ASAP1: variants seen among roughly 807,000 people sequenced by gnomAD.
The protein encoded by ASAP1 is arf-GAP with SH3 domain, ANK repeat and PH domain-containing protein 1.
In ASAP1, 43 loss-of-function variants were observed where a neutral mutation model predicts 145.2. The observed-to-expected ratio is 0.30, with a 90% CI of 0.23 to 0.38. ASAP1 has a LOEUF of 0.38. Among genes scored for constraint, ASAP1 ranks in the 10% least tolerant of loss-of-function variants. The pLI is 1.00. For synonymous variants in ASAP1, 546 were observed against 515.5 expected, an observed-to-expected ratio of 1.06 and a Z score of -0.80; for missense variants, 1,018 against 1,355.3, an observed-to-expected ratio of 0.75 and a Z score of 3.91.
intron 4 of ASAP1, among the ~76,000 whole-genome samples, chr8:130,215,984 G>A (rs1488937216): frequency 2.2e-5 from 1 of 45,788 alleles, no homozygotes; most frequent in Non-Finnish European, 4.5e-5. Flanking sequence ...AAAAAGGAAA[G>A]GAAAGGAAAG....
At chr8:130,262,541 T>C (rs926498601) in intron 3 of ASAP1, among the ~76,000 whole-genome samples, 8 of 151,032 alleles carry the variant, frequency 5.3e-5, no homozygotes, top group African/African-American at 1.9e-4. Context: ...AAAATAATTA[T>C]CAAGTATGAA....
chr8:130,119,176 T>G (rs1420835983), intron 18 of ASAP1, among the ~76,000 whole-genome samples: 2 of 152,128 alleles, frequency 1.3e-5, no homozygotes, highest in Non-Finnish European at 2.9e-5. Flanking sequence ...ACTCCTGAGC[T>G]CAAGCAATTC....
intron 1 of ASAP1, among the ~76,000 whole-genome samples, chr8:130,440,282 C>T (rs1392312347): frequency 6.6e-6 from 1 of 152,068 alleles, no homozygotes; most frequent in Non-Finnish European, 1.5e-5. Flanking sequence ...TGGCCATGGT[C>T]GCTCACCTGA....
intron 24 of ASAP1, among the ~76,000 whole-genome samples, chr8:130,105,033 T>C (rs562071176): frequency 6.6e-6 from 1 of 152,308 alleles, no homozygotes; most frequent in South Asian, 2.1e-4. Flanking sequence ...CACTTTCTAA[T>C]AGTTTTCTTT....
rs1348416126 is a variant in ASAP1, at chr8:130,159,792, C to T, written c.1010+72G>A. ...GTATTATAAAATTTTAAGTGTGTTTCCCTATATGAGAGACTGGAAACATTT... is the reference window on the plus strand; with the variant it reads ...GTATTATAAAATTTTAAGTGTGTTTTCCTATATGAGAGACTGGAAACATTT... On this transcript the variant is annotated intron_variant, in intron 12 of 29. Transcript: ENST00000518721. 9 of 1,217,612 alleles carry T rather than the reference C, an allele frequency of 7.4e-6. No individual in the cohort carries two copies. The African/African-American group carries it at 9.0e-5, about 12-fold the overall frequency. 75.4% of individuals were successfully genotyped at this position (1,217,612 alleles called of 1,614,324 possible). A position where few individuals can be genotyped will look rare whatever the true frequency, so the allele number is the denominator to read the frequency against.
At chr8:130,418,164 A>C (rs1316410276) in intron 1 of ASAP1, among the ~76,000 whole-genome samples, 4 of 152,258 alleles carry the variant, frequency 2.6e-5, no homozygotes, top group Non-Finnish European at 2.9e-5. Context: ...CTTAAATAAA[A>C]CAAAGAGAAT....
chr8:130,079,759 G>A (rs1209494283), intron 26 of ASAP1, 143 bp downstream of exon 26: 11 of 765,470 alleles, frequency 1.4e-5, no homozygotes, highest in African/African-American at 1.2e-4. Flanking sequence ...AAGAGTGAAC[G>A]TCTGGTTTCT....
intron 3 of ASAP1, among the ~76,000 whole-genome samples, chr8:130,339,189 T>G (rs961377321): frequency 6.6e-6 from 1 of 152,216 alleles, no homozygotes; most frequent in African/African-American, 2.4e-5. Flanking sequence ...GACTCAACAC[T>G]TAACCAGTAG....
At chr8:130,351,506 T>G (rs762073954) in intron 3 of ASAP1, among the ~76,000 whole-genome samples, 46 of 152,186 alleles carry the variant, frequency 3.0e-4, no homozygotes, top group Non-Finnish European at 5.0e-4. Flanking sequence ...GGGTAATTTA[T>G]AAAGAAAGGA....
intron 2 of ASAP1, among the ~76,000 whole-genome samples, chr8:130,395,451 T>C (rs1321133764): frequency 1.3e-5 from 2 of 152,138 alleles, no homozygotes; most frequent in Admixed American, 6.5e-5. Flanking sequence ...CTGCTGTCCT[T>C]GTAAGAGAGA....
rs143226428 is a variant in ASAP1 at position 130,336,217 on chromosome 8, G to A, written c.186+21800C>T. The stretch of plus-strand genomic sequence containing the variant: ...AACTCAAGGCAATGATTCCTGCTTC[G>A]AACTTAATAATCACAGTGGGGGAGA... On this transcript the variant is annotated intron_variant, in intron 3 of 29. Coordinates refer to ENST00000518721, the MANE Select transcript of ASAP1 (RefSeq NM_018482.4). Among the ~76,000 whole-genome samples, 5 of 152,276 alleles carry A rather than the reference G, an allele frequency of 3.3e-5. No individual in the cohort carries two copies. The East Asian group carries it at 7.7e-4, about 23-fold the overall frequency.
intron 3 of ASAP1, among the ~76,000 whole-genome samples, chr8:130,284,283 G>A (rs1046926820): frequency 4.6e-5 from 7 of 152,032 alleles, no homozygotes; most frequent in Non-Finnish European, 1.0e-4. Context: ...AATAAAAGTA[G>A]GAAAATGAAA....
chr8:130,070,213 T>C (rs558395809), intron 27 of ASAP1, among the ~76,000 whole-genome samples: 19 of 152,200 alleles, frequency 1.2e-4, no homozygotes, highest in Non-Finnish European at 2.5e-4. Flanking sequence ...ATTTTTTCTA[T>C]TTTTTAGTAG....
At chr8:130,361,588 A>C in intron 2 of ASAP1, 2 of 1,032,012 alleles carry the variant, frequency 1.9e-6, no homozygotes, top group Non-Finnish European at 2.9e-6. Flanking sequence ...TATGCTCACA[A>C]TGAGATATTG....
intron 20 of ASAP1, 150 bp downstream of exon 20, chr8:130,118,011 C>T (rs913133479): frequency 2.4e-5 from 13 of 544,494 alleles, no homozygotes; most frequent in Non-Finnish European, 4.1e-5. Context: ...GACAGAGAGA[C>T]TTCATGCCTG....
At chr8:130,137,648 T>C (rs1205672416) in intron 13 of ASAP1, among the ~76,000 whole-genome samples, 6 of 152,188 alleles carry the variant, frequency 3.9e-5, no homozygotes, top group Non-Finnish European at 8.8e-5. Flanking sequence ...AGAAGTACAA[T>C]GACAATTACT....
In ASAP1 at chr8:130,112,216, C is replaced by T. The variant is rs1229046600; in HGVS notation, c.2279G>A (p.Arg760Lys). Residue 760 changes from arginine to lysine, a missense_variant, in exon 24 of 30, where the codon AGG (arginine) becomes AAG (lysine). By Grantham distance (26) the Arg-to-Lys change is conservative. Around this residue, in one of 9 missense-constraint regions of ASAP1, gnomAD observed 353 missense variants for 375.4 expected, o/e 0.94. Coordinates refer to ENST00000518721, the MANE Select transcript of ASAP1 (RefSeq NM_018482.4). ...TCCATAGGAGAGCCGCTGTTTGTCC[C>T]TTGGAGTGCTGAATCCTGGCAGTGC... Reference protein sequence around the residue: ...KLALPGFSTPRDKQRLSYGAF... With the variant: ...KLALPGFSTPKDKQRLSYGAF... 6.2e-7 allele frequency: 1 copy of T among 1,614,164 alleles called. No homozygotes were observed. Among genetic ancestry groups the T allele is most frequent in the Non-Finnish European group, 8.5e-7 (1 of 1,180,030 alleles).
intron 3 of ASAP1, among the ~76,000 whole-genome samples, chr8:130,264,857 A>C (rs894154442): frequency 6.6e-6 from 1 of 152,206 alleles, no homozygotes; most frequent in African/African-American, 2.4e-5. Context: ...TGGGTGAGTC[A>C]GGGAGAATGT....
intron 3 of ASAP1, among the ~76,000 whole-genome samples, chr8:130,279,803 G>A (rs1821147576): frequency 1.3e-5 from 2 of 152,108 alleles, no homozygotes; most frequent in Admixed American, 6.6e-5. Context: ...CGTTAAGCAG[G>A]AAACCGGTCC....
Sources: gnomAD v4.1 joint callset for allele counts (sites outside exome capture counted in the v4.1 genomes callset) on GRCh38, gnomAD v4.1.1 for gene constraint, gnomAD v4.1.1 regional missense constraint, MANE v1.5 for transcripts, NCBI Gene and HGNC (gene_info 2026-07-23, HGNC 2026-07-21) for gene names.